ANKRD45: variants seen among roughly 807,000 people sequenced by gnomAD.
ANKRD45 encodes ankyrin repeat domain 45, also known as ankyrin repeat domain-containing protein 45.
A neutral mutation model predicts 28.1 loss-of-function variants in ANKRD45; 21 were observed. The ratio of observed to expected loss-of-function variants is 0.75; its 90% CI spans 0.53 to 1.08. The LOEUF (loss-of-function observed/expected upper bound fraction) is 1.08. Among genes scored for constraint, ANKRD45 ranks in the 50% least tolerant of loss-of-function variants. The pLI is 0.00. For synonymous variants in ANKRD45, 86 were observed against 103.9 expected, an observed-to-expected ratio of 0.83 and a Z score of 1.05; for missense variants, 261 against 308.7, an observed-to-expected ratio of 0.85 and a Z score of 1.16.
chr1:173,619,422 C>CA (rs1437182679), intron 5 of ANKRD45, among the ~76,000 whole-genome samples: 1 of 150,244 alleles, frequency 6.7e-6, no homozygotes, highest in Non-Finnish European at 1.5e-5. Context: ...CACATAGGCT[C>CA]AAAAAAAAGA....
At chr1:173,625,582 A>G (rs1047457826) in intron 4 of ANKRD45, among the ~76,000 whole-genome samples, 6 of 152,164 alleles carry the variant, frequency 3.9e-5, no homozygotes, top group Non-Finnish European at 8.8e-5. Context: ...AAATAAATAC[A>G]TTTGTGGTAT....
intron 2 of ANKRD45, among the ~76,000 whole-genome samples, chr1:173,657,088 T>C (rs1223002379): frequency 6.7e-6 from 1 of 150,356 alleles, no homozygotes; most frequent in Non-Finnish European, 1.5e-5. Flanking sequence ...CTAATGATTT[T>C]TTTTACATCT....
At chr1:173,642,685 C>A (rs1357816978) in intron 3 of ANKRD45, among the ~76,000 whole-genome samples, 1 of 152,232 alleles carries the variant, frequency 6.6e-6, no homozygotes, top group African/African-American at 2.4e-5. Context: ...GAGGTCATAG[C>A]CTGTTTCTCT....
chr1:173,680,807 C>T, the ANKRD45 span, among the ~76,000 whole-genome samples: 21 of 152,052 alleles, frequency 1.4e-4, no homozygotes, highest in African/African-American at 4.6e-4. Context: ...GATGAATTCA[C>T]GTTCTTTGCA....
At chr1:173,652,000 A>G (rs916253972) in intron 2 of ANKRD45, among the ~76,000 whole-genome samples, 5 of 152,096 alleles carry the variant, frequency 3.3e-5, no homozygotes, top group African/African-American at 7.2e-5. Flanking sequence ...TTGGGGCTGA[A>G]ACGATGGGGT....
At chr1:173,694,423 C>A in the ANKRD45 span, among the ~76,000 whole-genome samples, 9 of 151,990 alleles carry the variant, frequency 5.9e-5, no homozygotes. Flanking sequence ...CTCAGTCTCC[C>A]AAAGTGCTGG....
At chr1:173,695,241 G>A in the ANKRD45 span, among the ~76,000 whole-genome samples, 1 of 152,092 alleles carries the variant, frequency 6.6e-6, no homozygotes, top group Non-Finnish European at 1.5e-5. Flanking sequence ...ACATGTGCAG[G>A]TTTGTTAGGT....
chr1:173,659,050 T>C (rs1669667355), intron 2 of ANKRD45, 41 bp downstream of exon 2: 1 of 1,583,482 alleles, frequency 6.3e-7, no homozygotes, highest in African/African-American at 1.4e-5. Flanking sequence ...CATCTTTAGG[T>C]AGTCATAAGT....
chr1:173,619,140 C>G (rs1461973893), intron 5 of ANKRD45, among the ~76,000 whole-genome samples: 1 of 152,152 alleles, frequency 6.6e-6, no homozygotes, highest in South Asian at 2.1e-4. Context: ...GAAGGGAGCA[C>G]TAAATATGGG....
At chr1:173,656,148 C>T (rs1412709483) in intron 2 of ANKRD45, among the ~76,000 whole-genome samples, 1 of 152,194 alleles carries the variant, frequency 6.6e-6, no homozygotes, top group Non-Finnish European at 1.5e-5. Context: ...GAACCAGGTA[C>T]CTCAGTCGGA....
At chr1:173,703,884 C>T in the ANKRD45 span, among the ~76,000 whole-genome samples, 1 of 152,252 alleles carries the variant, frequency 6.6e-6, no homozygotes, top group African/African-American at 2.4e-5. Context: ...ATGATGCTGA[C>T]ACTTTGATCT....
At chr1:173,621,940 A>G (rs1184532313) in intron 5 of ANKRD45, among the ~76,000 whole-genome samples, 1 of 152,234 alleles carries the variant, frequency 6.6e-6, no homozygotes, top group Non-Finnish European at 1.5e-5. Context: ...TCTTAAACTG[A>G]TAAGCAACTT....
At chr1:173,663,517 CTCTTT>C (rs1378378617) in intron 1 of ANKRD45, among the ~76,000 whole-genome samples, 1 of 151,964 alleles carries the variant, frequency 6.6e-6, no homozygotes, top group Non-Finnish European at 1.5e-5. Context: ...GAACCCCACC[CTCTTT>C]TCTTTTAACA....
At chr1:173,627,776 T>C (rs1050454700) in intron 3 of ANKRD45, among the ~76,000 whole-genome samples, 3 of 152,090 alleles carry the variant, frequency 2.0e-5, no homozygotes, top group Middle Eastern at 3.4e-3. Flanking sequence ...GCACATCACC[T>C]AGTGAGACAC....
At chr1:173,659,813 A>G (rs777853553) in intron 1 of ANKRD45, among the ~76,000 whole-genome samples, 2 of 152,192 alleles carry the variant, frequency 1.3e-5, no homozygotes, top group Non-Finnish European at 2.9e-5. Context: ...TAATTGGGTT[A>G]CTGGAGCCAG....
chr1:173,678,092 C>A, the ANKRD45 span, among the ~76,000 whole-genome samples: 1,992 of 151,916 alleles, frequency 0.013, 18 homozygotes, highest in Non-Finnish European at 0.02. Context: ...ATGGTGAAAC[C>A]AAAAAAAGTC....
At position 173,624,764 on chromosome 1, in the gene ANKRD45, A is replaced by T. The variant is rs375482338; in HGVS notation, c.730+23T>A. The T allele has an allele frequency of 3.2e-5, 51 of 1,600,604 alleles. No homozygotes were observed. The African/African-American group carries it at 6.4e-4, about 20-fold the overall frequency. ...AATTTTCATCCCTTCTGACATTCAA[A>T]CCACCTTTTATCCAAAACTTACATG... is the stretch of plus-strand genomic sequence containing the variant. On this transcript the variant is annotated intron_variant, in intron 5 of 5. Transcript: ENST00000333279.
At chr1:173,638,095 AGTGTGTGT>A (rs57442264) in intron 3 of ANKRD45, among the ~76,000 whole-genome samples, 1 of 149,316 alleles carries the variant, frequency 6.7e-6, no homozygotes, top group South Asian at 2.1e-4. Context: ...TTGGAGGCTG[AGTGTGTGT>A]GTGTGTGTGT....
the ANKRD45 span, among the ~76,000 whole-genome samples, chr1:173,693,826 G>C: frequency 6.6e-6 from 1 of 152,142 alleles, no homozygotes; most frequent in Non-Finnish European, 1.5e-5. Context: ...GGTCTGCTAG[G>C]CATAAATTTC....
Sources: gnomAD v4.1 joint callset for allele counts (sites outside exome capture counted in the v4.1 genomes callset) on GRCh38, gnomAD v4.1.1 for gene constraint, MANE v1.5 for transcripts, NCBI Gene and HGNC (gene_info 2026-07-23, HGNC 2026-07-21) for gene names.